Variants in P2RY8 observed in about 807,000 individuals in gnomAD.
The protein encoded by P2RY8 is S-geranylgeranyl-glutathione receptor P2RY8.
In P2RY8, 6 loss-of-function variants were observed where a neutral mutation model predicts 10.0. The ratio of observed to expected loss-of-function variants is 0.60; its 90% CI spans 0.33 to 1.19. P2RY8 has a LOEUF of 1.19. Among genes scored for constraint, P2RY8 ranks in the 50% most tolerant of loss-of-function variants. The pLI is 0.04. For missense variants in P2RY8, 456 were observed against 542.0 expected (o/e 0.84, Z 1.58); for synonymous variants, 276 against 252.5 (o/e 1.09, Z -0.88).
chrX:1,496,584 G>T (rs1488729150), intron 1 of P2RY8, among the ~76,000 whole-genome samples: 1 of 152,116 alleles, frequency 6.6e-6, no homozygotes, highest in Non-Finnish European at 1.5e-5. Flanking sequence ...TGGGAAGGAA[G>T]GTGGTGTCCC....
At chrX:1,528,055 T>A (rs1352141047) in intron 1 of P2RY8, among the ~76,000 whole-genome samples, 2 of 152,148 alleles carry the variant, frequency 1.3e-5, no homozygotes, top group Non-Finnish European at 2.9e-5. Context: ...CTCATTCTCC[T>A]CCACCCCAAG....
At chrX:1,490,665 A>G (rs5948812) in intron 1 of P2RY8, among the ~76,000 whole-genome samples, 55,551 of 118,662 alleles carry the variant, frequency 0.47, 7,661 homozygotes, top group Admixed American at 0.56. Flanking sequence ...GAATGAATGA[A>G]TGATACCCCA....
chrX:1,474,312 T>A (rs1223713484), intron 1 of P2RY8, among the ~76,000 whole-genome samples: 1 of 136,318 alleles, frequency 7.3e-6, no homozygotes, highest in African/African-American at 2.6e-5. Flanking sequence ...GATAGATGGG[T>A]GGCTGGATAG....
intron 1 of P2RY8, among the ~76,000 whole-genome samples, chrX:1,489,694 A>T (rs2092024224): frequency 6.6e-6 from 1 of 151,674 alleles, no homozygotes. Context: ...GCAAATGTAG[A>T]GAGAATGAAT....
In P2RY8 at chrX:1,465,859, G is replaced by A; in HGVS notation, c.700C>T (p.Arg234Cys). 1 of 1,612,444 alleles carries A rather than the reference G, an allele frequency of 6.2e-7. No homozygotes were observed. The highest frequency in any genetic ancestry group is 8.5e-7 in the Non-Finnish European group (1 of 1,179,634). The change falls in exon 2 of 2, where the codon CGC becomes TGC. Residue 234 changes from arginine (R) to cysteine (C), a missense_variant. Transcript: ENST00000381297. ...ACCACCGCGGCCAGGCCCACCGCGC[G>A]CCTCCGCTGCTCCCGGCCGTGCGCC... ...EEAHGREQRR[R>C]AVGLAAVVLL...
At chrX:1,514,279 C>T (rs2092321626) in intron 1 of P2RY8, among the ~76,000 whole-genome samples, 1 of 152,114 alleles carries the variant, frequency 6.6e-6, no homozygotes, top group Non-Finnish European at 1.5e-5. Flanking sequence ...GGGTTCTGTG[C>T]TTGGTATGGA....
intron 1 of P2RY8, among the ~76,000 whole-genome samples, chrX:1,493,785 G>C (rs774495994): frequency 6.6e-6 from 1 of 152,152 alleles, no homozygotes; most frequent in Non-Finnish European, 1.5e-5. Context: ...CGGACAAGAC[G>C]ATTTTGCTCT....
intron 1 of P2RY8, among the ~76,000 whole-genome samples, chrX:1,476,599 A>C (rs1245167049): frequency 6.6e-6 from 1 of 151,956 alleles, no homozygotes; most frequent in Non-Finnish European, 1.5e-5. Context: ...AAAGAAAAAA[A>C]AAAAAGAAAT....
intron 1 of P2RY8, among the ~76,000 whole-genome samples, chrX:1,493,144 C>T (rs1445546285): frequency 3.3e-5 from 5 of 150,216 alleles, no homozygotes; most frequent in Admixed American, 1.3e-4. Flanking sequence ...AAAAATTAGC[C>T]GGGCGTTGGG....
chrX:1,531,044 T>TTCTA (rs199748336), intron 1 of P2RY8, among the ~76,000 whole-genome samples: 29,480 of 137,796 alleles, frequency 0.21, 3,119 homozygotes, highest in South Asian at 0.28. Flanking sequence ...TATTTATCGA[T>TTCTA]TCTATCTATC....
chrX:1,490,803 A>G (rs1284876124), intron 1 of P2RY8, among the ~76,000 whole-genome samples: 2 of 149,228 alleles, frequency 1.3e-5, no homozygotes, highest in African/African-American at 5.0e-5. Context: ...AATGAATGAT[A>G]CCCAGATATT....
At chrX:1,477,455 T>C (rs1351767400) in intron 1 of P2RY8, among the ~76,000 whole-genome samples, 2 of 152,208 alleles carry the variant, frequency 1.3e-5, no homozygotes, top group African/African-American at 2.4e-5. Flanking sequence ...GGATCTTTCA[T>C]CTATTCATAT....
At chrX:1,519,177 A>C (rs1306851844) in intron 1 of P2RY8, among the ~76,000 whole-genome samples, 1 of 151,150 alleles carries the variant, frequency 6.6e-6, no homozygotes, top group African/African-American at 2.4e-5. Context: ...GATCCCCAGT[A>C]ATCTCTGAGA....
At chrX:1,491,373 G>A (rs2092048002) in intron 1 of P2RY8, among the ~76,000 whole-genome samples, 1 of 152,212 alleles carries the variant, frequency 6.6e-6, no homozygotes, top group Admixed American at 6.5e-5. Context: ...ATTAATGAAT[G>A]ACACACAGAG....
At chrX:1,491,470 A>C (rs754062768) in intron 1 of P2RY8, among the ~76,000 whole-genome samples, 3 of 152,376 alleles carry the variant, frequency 2.0e-5, no homozygotes, top group Non-Finnish European at 4.4e-5. Context: ...ACATAAATCA[A>C]TGACGTGTAG....
At position 1,465,448 on chromosome X, in the gene P2RY8, C is replaced by T. The variant is rs759160388; in HGVS notation, c.*31G>A. 2.5e-6 allele frequency: 4 copies of T among 1,570,026 alleles called. No individual in the cohort carries two copies. Among genetic ancestry groups the T allele is most frequent in the East Asian group, 4.5e-5 (2 of 44,490 alleles). On this transcript the variant is annotated 3_prime_UTR_variant, in exon 2 of 2. Transcript: ENST00000381297. Reference sequence around the variant, plus strand: ...TGCGCCCCTGGATCTCCAAGCTGCGCCCCCGGCTCTCCAAGCTGCGCCCCC... The same window carrying T: ...TGCGCCCCTGGATCTCCAAGCTGCGTCCCCGGCTCTCCAAGCTGCGCCCCC...
At chrX:1,492,562 A>T (rs1276224724) in intron 1 of P2RY8, among the ~76,000 whole-genome samples, 1 of 152,156 alleles carries the variant, frequency 6.6e-6, no homozygotes, top group Non-Finnish European at 1.5e-5. Context: ...GAAAGAGGAG[A>T]AACTGACAAC....
intron 1 of P2RY8, among the ~76,000 whole-genome samples, chrX:1,472,128 G>A (rs1459381036): frequency 6.6e-6 from 1 of 151,982 alleles, no homozygotes; most frequent in Admixed American, 6.6e-5. Context: ...GGAAGTTGTC[G>A]TGGGCCACAC....
intron 1 of P2RY8, among the ~76,000 whole-genome samples, chrX:1,476,375 G>T (rs1367614784): frequency 6.6e-6 from 1 of 151,838 alleles, no homozygotes; most frequent in Non-Finnish European, 1.5e-5. Flanking sequence ...AGGAGATGGA[G>T]ACCATCCTGG....
Sources: gnomAD v4.1 joint callset for allele counts (sites outside exome capture counted in the v4.1 genomes callset) on GRCh38, gnomAD v4.1.1 for gene constraint, MANE v1.5 for transcripts, NCBI Gene and HGNC (gene_info 2026-07-23, HGNC 2026-07-21) for gene names.